Variants in ZNF484 observed in about 807,000 individuals in gnomAD.
The protein encoded by ZNF484 is zinc finger protein 484.
A neutral mutation model predicts 12.9 loss-of-function variants in ZNF484; 11 were observed. That is an observed-to-expected ratio of 0.85 (90% CI 0.54 to 1.41). The LOEUF is 1.41. ZNF484 is among the 40% of genes most tolerant of loss of function. The pLI is 0.00. For missense variants in ZNF484, 807 were observed against 1,007.7 expected (o/e 0.80, Z 2.70); for synonymous variants, 289 against 334.1 (o/e 0.86, Z 1.47).
At chr9:92,863,302 A>T (rs925224931) in intron 2 of ZNF484, among the ~76,000 whole-genome samples, 10 of 151,746 alleles carry the variant, frequency 6.6e-5, no homozygotes, top group Admixed American at 3.3e-4. Context: ...TAGGGAAAAA[A>T]GCTAATGCAT....
At chr9:92,849,657 G>A (rs1587730133) in intron 4 of ZNF484, among the ~76,000 whole-genome samples, 1 of 152,084 alleles carries the variant, frequency 6.6e-6, no homozygotes, top group South Asian at 2.1e-4. Context: ...TGGGCCTAGT[G>A]GCACATGCCT....
At position 92,847,193 on chromosome 9, in the gene ZNF484, A is replaced by AT. The variant is rs765132943; in HGVS notation, c.1593dup (p.Ser532IlefsTer22). The AT allele has an allele frequency of 6.2e-7, 1 of 1,613,554 alleles. No individual in the cohort carries two copies. The highest frequency in any genetic ancestry group is 1.3e-5 in the African/African-American group (1 of 74,830). On this transcript the variant is annotated frameshift_variant, in exon 5 of 5. Coordinates refer to ENST00000375495, the MANE Select transcript of ZNF484 (RefSeq NM_031486.4). LOFTEE classifies it low-confidence loss of function (END_TRUNC). ...CTGAGCCGAGACTTCCAGGTGAATG[A>AT]TTTTCCACAGTCGCTGCATTTATAA...
chr9:92,860,905 A>G (rs745927135), intron 2 of ZNF484, among the ~76,000 whole-genome samples: 18 of 152,174 alleles, frequency 1.2e-4, no homozygotes, highest in Non-Finnish European at 2.1e-4. Context: ...TTATGGAGAA[A>G]GTTATAAAAA....
rs1856332983 is a variant in ZNF484 at position 92,854,712 on chromosome 9, A to G, written c.235+1099T>C. 2.6e-5 allele frequency among the ~76,000 whole-genome samples: 4 copies of G among 152,146 alleles called. No individual in the cohort carries two copies. In the South Asian group the frequency reaches 6.2e-4, roughly 24 times the overall value. ...AGCCTGGGGGACAGAGCGAAACTCC[A>G]TCTCAGAAAAAAATAAATAAATAAA... is the stretch of plus-strand genomic sequence containing the variant. On this transcript the variant is annotated intron_variant, in intron 4 of 4. Coordinates refer to ENST00000375495, the MANE Select transcript of ZNF484 (RefSeq NM_031486.4).
In ZNF484 at chr9:92,846,795, A is replaced by G. The variant is rs756739894; in HGVS notation, c.1992T>C (p.Tyr664=). 4 of 1,614,084 alleles carry G rather than the reference A, an allele frequency of 2.5e-6. No homozygotes were observed. The highest frequency in any genetic ancestry group is 3.4e-6 in the Non-Finnish European group (4 of 1,180,004). ...HQKIHTGEKP[Y]KCSDCGKAFT... is the part of the protein sequence containing the mutation. Reference sequence around the variant, plus strand: ...AGGCTTTCCCACAGTCACTACATTTATAAGGTTTCTCTCCAGTGTGAATTT... The same window carrying G: ...AGGCTTTCCCACAGTCACTACATTTGTAAGGTTTCTCTCCAGTGTGAATTT... The change falls in exon 5 of 5, where the codon TAT becomes TAC. Residue 664 remains tyrosine (Y), a synonymous_variant. Transcript: ENST00000375495.
rs751274616 is a variant in ZNF484 at position 92,846,459 on chromosome 9, A to G, written c.2328T>C (p.Tyr776=). Residue 776 remains tyrosine (Y), a synonymous_variant, in exon 5 of 5, where the codon TAT becomes TAC. Coordinates refer to ENST00000375495, the MANE Select transcript of ZNF484 (RefSeq NM_031486.4). ...AGGCCTTTCCACACTCAGCACATAT[A>G]TATGGTTTCTCTCCTGTGTGAATTC... ...HHRIHTGEKP[Y]ICAECGKAFT... 3.7e-5 allele frequency: 60 copies of G among 1,614,134 alleles called. No individual in the cohort carries two copies. The highest frequency in any genetic ancestry group is 4.7e-5 in the Non-Finnish European group (56 of 1,180,008).
intron 2 of ZNF484, among the ~76,000 whole-genome samples, chr9:92,869,427 T>A (rs1452596406): frequency 8.2e-6 from 1 of 122,532 alleles, no homozygotes; most frequent in Non-Finnish European, 1.7e-5. Flanking sequence ...CAAATTATGA[T>A]ATACCCATAT....
intron 2 of ZNF484, 74 bp downstream of exon 2, chr9:92,874,941 T>A: frequency 7.2e-7 from 1 of 1,385,494 alleles, no homozygotes; most frequent in Non-Finnish European, 1.0e-6. Context: ...CTATAGGGAT[T>A]GTTAGATGTC....
chr9:92,858,874 C>G (rs1856618711), intron 2 of ZNF484, among the ~76,000 whole-genome samples: 1 of 151,998 alleles, frequency 6.6e-6, no homozygotes, highest in Admixed American at 6.6e-5. Context: ...ACCTGTAATC[C>G]CAGCACTTTG....
At chr9:92,877,681 G>C (rs563348072) in intron 1 of ZNF484, 55 of 1,145,060 alleles carry the variant, frequency 4.8e-5, no homozygotes, top group Non-Finnish European at 6.4e-5. Flanking sequence ...ACCAGACAGA[G>C]ACCCCCAGTC....
intron 1 of ZNF484, among the ~76,000 whole-genome samples, chr9:92,876,111 A>G (rs1857792430): frequency 6.6e-6 from 1 of 152,200 alleles, no homozygotes; most frequent in Non-Finnish European, 1.5e-5. Flanking sequence ...AATATTGTTT[A>G]GCAATAATTC....
chr9:92,869,579 A>G (rs1857310389), intron 2 of ZNF484, among the ~76,000 whole-genome samples: 1 of 152,170 alleles, frequency 6.6e-6, no homozygotes, highest in Admixed American at 6.5e-5. Context: ...AAATAAATAA[A>G]CAAAATACCC....
At chr9:92,871,363 G>A (rs1857419979) in intron 2 of ZNF484, among the ~76,000 whole-genome samples, 1 of 152,044 alleles carries the variant, frequency 6.6e-6, no homozygotes, top group South Asian at 2.1e-4. Flanking sequence ...AAGTAGAAAT[G>A]ATCTAATCTA....
chr9:92,860,461 G>A (rs555374377), intron 2 of ZNF484, among the ~76,000 whole-genome samples: 14 of 151,950 alleles, frequency 9.2e-5, no homozygotes, highest in East Asian at 7.7e-4. Context: ...AAAATTAGCC[G>A]GGCATGGTGG....
intron 2 of ZNF484, among the ~76,000 whole-genome samples, chr9:92,864,601 T>C (rs1856960009): frequency 6.6e-6 from 1 of 152,166 alleles, no homozygotes; most frequent in African/African-American, 2.4e-5. Context: ...AGATAGAAAC[T>C]GGGTTGCAAT....
Position 92,855,782 on chromosome 9 carries a change from G to A in ZNF484, c.235+29C>T, listed in dbSNP as rs747973886. On this transcript the variant is annotated intron_variant, in intron 4 of 4. Coordinates refer to ENST00000375495, the MANE Select transcript of ZNF484 (RefSeq NM_031486.4). ...AGTACAAATGCAGCTGAGTCATACTGTCTACCATGCTCTTGGTTCCCTTCT... is the reference window on the plus strand; with the variant it reads ...AGTACAAATGCAGCTGAGTCATACTATCTACCATGCTCTTGGTTCCCTTCT... 9 of 1,604,426 alleles carry A rather than the reference G, an allele frequency of 5.6e-6. No homozygotes were observed. The Admixed American group carries it at 1.5e-4, about 27-fold the overall frequency.
intron 4 of ZNF484, among the ~76,000 whole-genome samples, chr9:92,852,292 T>G (rs1237603182): frequency 6.6e-6 from 1 of 152,168 alleles, no homozygotes; most frequent in Admixed American, 6.5e-5. Context: ...TGTTTGTTTT[T>G]GTTTTTGTTT....
chr9:92,865,267 T>C (rs764645159), intron 2 of ZNF484, among the ~76,000 whole-genome samples: 4 of 151,720 alleles, frequency 2.6e-5, no homozygotes, highest in Non-Finnish European at 4.4e-5. Flanking sequence ...TAGTGAGAAC[T>C]TGTCTCTATA....
At chr9:92,852,260 A>T (rs1008108349) in intron 4 of ZNF484, among the ~76,000 whole-genome samples, 35 of 152,126 alleles carry the variant, frequency 2.3e-4, no homozygotes, top group African/African-American at 8.0e-4. Flanking sequence ...TGAGCACAAA[A>T]TATGTGTATT....
Sources: allele counts gnomAD v4.1 joint callset (sites outside exome capture counted in the v4.1 genomes callset), GRCh38; gene constraint gnomAD v4.1.1; transcripts MANE v1.5; gene names NCBI Gene and HGNC (gene_info 2026-07-23, HGNC 2026-07-21).